Variants in COBL observed in about 807,000 individuals in gnomAD.
COBL encodes the protein protein cordon-bleu.
In COBL, 51 loss-of-function variants were observed where a neutral mutation model predicts 98.8. The observed-to-expected ratio is 0.52, with a 90% CI of 0.41 to 0.65. COBL has a LOEUF of 0.65. Among genes scored for constraint, COBL ranks in the 30% least tolerant of loss-of-function variants. The pLI, the probability that COBL is intolerant of heterozygous loss-of-function variation, is 0.00. For missense variants in COBL, 1,617 were observed against 1,617.5 expected (o/e 1.00, Z 0.01); for synonymous variants, 634 against 651.7 (o/e 0.97, Z 0.41).
chr7:51,130,966 G>A (rs769547995), intron 6 of COBL, among the ~76,000 whole-genome samples: 2 of 152,158 alleles, frequency 1.3e-5, no homozygotes, highest in Non-Finnish European at 1.5e-5. Context: ...GCTTTCAAGT[G>A]CAAGGCCTTG....
intron 7 of COBL, among the ~76,000 whole-genome samples, chr7:51,077,108 T>C (rs1449180597): frequency 6.6e-6 from 1 of 152,210 alleles, no homozygotes; most frequent in Non-Finnish European, 1.5e-5. Flanking sequence ...GCAAGCTGAT[T>C]CGAAAGTTAT....
chr7:51,129,917 G>A (rs1413453260), intron 6 of COBL, among the ~76,000 whole-genome samples: 1 of 152,174 alleles, frequency 6.6e-6, no homozygotes, highest in African/African-American at 2.4e-5. Flanking sequence ...ATTCTCCAGG[G>A]TAGAGGAGCA....
intron 7 of COBL, among the ~76,000 whole-genome samples, chr7:51,080,200 G>A (rs1562882496): frequency 6.6e-6 from 1 of 152,194 alleles, no homozygotes; most frequent in East Asian, 1.9e-4. Flanking sequence ...ATAAAATAAA[G>A]GGTGAAGTTG....
intron 1 of COBL, among the ~76,000 whole-genome samples, chr7:51,310,723 A>C (rs1385990778): frequency 6.6e-6 from 1 of 152,166 alleles, no homozygotes; most frequent in Non-Finnish European, 1.5e-5. Context: ...GCAGTGGCAC[A>C]ATCTCGGCTC....
At chr7:51,237,228 T>C (rs1366563475) in intron 1 of COBL, among the ~76,000 whole-genome samples, 2 of 152,194 alleles carry the variant, frequency 1.3e-5, no homozygotes, top group Admixed American at 6.5e-5. Flanking sequence ...AGTAAACTAA[T>C]TCTTTAATAA....
intron 1 of COBL, among the ~76,000 whole-genome samples, chr7:51,287,410 A>G (rs1800471269): frequency 6.6e-6 from 1 of 152,226 alleles, no homozygotes; most frequent in Admixed American, 6.5e-5. Flanking sequence ...CTTTAGGTAA[A>G]TGCAAGTTAA....
At chr7:51,143,960 C>G (rs527882450) in intron 5 of COBL, among the ~76,000 whole-genome samples, 22 of 152,294 alleles carry the variant, frequency 1.4e-4, no homozygotes, top group Admixed American at 2.6e-4. Flanking sequence ...CTATATGTAG[C>G]ATGCTATAGA....
intron 1 of COBL, among the ~76,000 whole-genome samples, chr7:51,248,499 T>G (rs906860535): frequency 6.6e-5 from 10 of 152,156 alleles, no homozygotes; most frequent in Non-Finnish European, 1.3e-4. Context: ...CAACCTCACA[T>G]TCAGTTGGAT....
intron 6 of COBL, among the ~76,000 whole-genome samples, chr7:51,103,201 T>A (rs931993153): frequency 3.3e-5 from 5 of 152,246 alleles, no homozygotes; most frequent in Non-Finnish European, 4.4e-5. Context: ...CTTGTTTTTT[T>A]ATCAAAGTGT....
At chr7:51,284,962 T>A (rs1336604898) in intron 1 of COBL, among the ~76,000 whole-genome samples, 2 of 151,840 alleles carry the variant, frequency 1.3e-5, no homozygotes, top group African/African-American at 2.4e-5. Flanking sequence ...TTTTTTTTTT[T>A]TTTGAGACAG....
intron 7 of COBL, among the ~76,000 whole-genome samples, chr7:51,074,152 A>C (rs1196026902): frequency 2.0e-5 from 3 of 151,738 alleles, no homozygotes; most frequent in Non-Finnish European, 4.4e-5. Context: ...CCTGATTCAT[A>C]ATCTCTATTT....
intron 7 of COBL, among the ~76,000 whole-genome samples, chr7:51,069,870 CT>C (rs940267142): frequency 2.0e-5 from 3 of 152,124 alleles, no homozygotes; most frequent in African/African-American, 7.2e-5. Context: ...ATTTTTTCTC[CT>C]CACTTCCTGC....
chr7:51,095,016 AT>A (rs1345004024), intron 6 of COBL, among the ~76,000 whole-genome samples: 1 of 152,156 alleles, frequency 6.6e-6, no homozygotes, highest in Non-Finnish European at 1.5e-5. Context: ...CACAGGAGAA[AT>A]GAAAAGGAAT....
intron 1 of COBL, among the ~76,000 whole-genome samples, chr7:51,297,568 T>C (rs1001857518): frequency 5.3e-5 from 8 of 152,082 alleles, no homozygotes; most frequent in Non-Finnish European, 7.3e-5. Context: ...ATTTTTTGTA[T>C]GTTTAGTAGA....
At chr7:51,306,807 G>A (rs947032021) in intron 1 of COBL, among the ~76,000 whole-genome samples, 1 of 152,172 alleles carries the variant, frequency 6.6e-6, no homozygotes, top group African/African-American at 2.4e-5. Context: ...CCAGGAATAA[G>A]TCGTAAGAAT....
chr7:51,184,185 A>G lies in COBL; in HGVS notation c.700T>C (p.Ser234Pro). The change falls in exon 5 of 13, where the codon TCA (serine) becomes CCA (proline). Residue 234 changes from serine (S) to proline (P), a missense_variant. Ser to Pro is a moderately conservative substitution (Grantham distance 74). Around this residue, in one of 3 missense-constraint regions of COBL, gnomAD observed 75 missense variants for 120.5 expected, o/e 0.62. Transcript: ENST00000265136. ...WDNRRETFRK[S>P]SLGNDETDKE... is the part of the protein sequence containing the mutation. The stretch of plus-strand genomic sequence containing the variant: ...TCTGTCTCATCATTGCCAAGTGATG[A>G]TTTCCTAAAGGTTTCTGGAAAAAAA... The G allele has an allele frequency of 1.3e-6, 2 of 1,556,812 alleles. No homozygotes were observed. Among genetic ancestry groups the G allele is most frequent in the Non-Finnish European group, 1.7e-6 (2 of 1,151,350 alleles).
At chr7:51,063,269 G>T (rs1791570033) in intron 7 of COBL, among the ~76,000 whole-genome samples, 1 of 151,772 alleles carries the variant, frequency 6.6e-6, no homozygotes, top group South Asian at 2.1e-4. Context: ...TGAGTAGCTG[G>T]GATTACAGGC....
chr7:51,316,516 G>A (rs1254138839), intron 1 of COBL, 77 bp downstream of exon 1: 3 of 1,100,312 alleles, frequency 2.7e-6, no homozygotes, highest in Non-Finnish European at 3.4e-6. Context: ...CCCTGCCCGG[G>A]AGCGCGCGGT....
chr7:51,057,169 A>G (rs1790844976), intron 7 of COBL, among the ~76,000 whole-genome samples: 1 of 152,190 alleles, frequency 6.6e-6, no homozygotes, highest in Admixed American at 6.5e-5. Flanking sequence ...GTACTTAATA[A>G]TGGCCCAAAG....
Sources: allele counts gnomAD v4.1 joint callset (sites outside exome capture counted in the v4.1 genomes callset), GRCh38; gene constraint gnomAD v4.1.1; regional missense constraint gnomAD v4.1.1; transcripts MANE v1.5; gene names NCBI Gene and HGNC (gene_info 2026-07-23, HGNC 2026-07-21).